The following UNC5A variants were observed in gnomAD, a reference collection of about 807,000 sequenced individuals.
UNC5A encodes the protein unc-5 netrin receptor A.
UNC5A carries 20 observed loss-of-function variants against 87.4 expected under a neutral mutation model. The observed-to-expected ratio is 0.23, with a 90% CI of 0.16 to 0.33. UNC5A has a LOEUF of 0.33. Among genes scored for constraint, UNC5A ranks in the 10% least tolerant of loss-of-function variants. UNC5A has a pLI of 1.00. For synonymous variants in UNC5A, 438 were observed against 482.3 expected (o/e 0.91, Z 1.20); for missense variants, 844 against 1,133.4 (o/e 0.74, Z 3.67).
In UNC5A at chr5:176,880,210, G is replaced by A. The variant is rs570212907; in HGVS notation, c.*324G>A. The stretch of plus-strand genomic sequence containing the variant: ...CCTCTCCTCCCGTCCCTCTCCAGGG[G>A]CCCCGCATACACACGGCCATGCACG... On this transcript the variant is annotated 3_prime_UTR_variant, in exon 15 of 15. Coordinates refer to ENST00000329542, the MANE Select transcript of UNC5A (RefSeq NM_133369.3). 5.5e-5 allele frequency: 15 copies of A among 273,744 alleles called. No individual in the cohort carries two copies. Among genetic ancestry groups the A allele is most frequent in the Admixed American group, 2.5e-4 (5 of 20,270 alleles). The allele number at this position is 273,744 out of a possible 1,614,324, so 17.0% of individuals were successfully genotyped here. A position where few individuals can be genotyped will look rare whatever the true frequency, so the allele number is the denominator to read the frequency against.
At chr5:176,853,995 A>G (rs942672258) in intron 1 of UNC5A, among the ~76,000 whole-genome samples, 2 of 152,214 alleles carry the variant, frequency 1.3e-5, no homozygotes, top group Non-Finnish European at 2.9e-5. Context: ...GGTTCGCACA[A>G]GGGGCTGCAG....
chr5:176,842,058 G>A (rs1249510404), intron 1 of UNC5A, among the ~76,000 whole-genome samples: 12 of 152,216 alleles, frequency 7.9e-5, no homozygotes, highest in African/African-American at 1.7e-4. Flanking sequence ...TTAGCCGGGC[G>A]CGGTGGCGGG....
chr5:176,851,805 C>T (rs1229996943), intron 1 of UNC5A, among the ~76,000 whole-genome samples: 1 of 152,216 alleles, frequency 6.6e-6, no homozygotes, highest in African/African-American at 2.4e-5. Context: ...AACTGTGGAA[C>T]AGGTGCACTG....
intron 1 of UNC5A, among the ~76,000 whole-genome samples, chr5:176,837,026 G>A (rs946983759): frequency 2.0e-5 from 3 of 152,204 alleles, no homozygotes; most frequent in Admixed American, 1.3e-4. Flanking sequence ...GTGTGAGTCT[G>A]CATTTAGGAA....
rs2149369288 is a variant in UNC5A, at chr5:176,874,282, C to T, written c.1094C>T (p.Thr365Ile). Residue 365 changes from threonine (T) to isoleucine (I), a missense_variant, in exon 8 of 15, where the codon ACC (threonine) becomes ATC (isoleucine). Around this residue, in one of 3 missense-constraint regions of UNC5A, gnomAD observed 353 missense variants for 387.5 expected, o/e 0.91. Transcript: ENST00000329542. The surrounding 1 kb of genome is among the most constrained non-coding windows in gnomAD (Gnocchi z 7.6). Reference protein sequence around the residue: ...PSKADNPHLLTIQPDLSTTTT... With the variant: ...PSKADNPHLLIIQPDLSTTTT... ...CCTGCAGACAACCCCCATCTGCTCA[C>T]CATCCAGCCGGACCTCAGCACCACC... 6.3e-7 allele frequency: 1 copy of T among 1,595,460 alleles called. No homozygotes were observed. The highest frequency in any genetic ancestry group is 1.1e-5 in the South Asian group (1 of 88,266).
Position 176,880,030 on chromosome 5 carries a change from T to C in UNC5A, c.*144T>C, listed in dbSNP as rs1409880024. On this transcript the variant is annotated 3_prime_UTR_variant, in exon 15 of 15. Coordinates refer to ENST00000329542, the MANE Select transcript of UNC5A (RefSeq NM_133369.3). Reference sequence around the variant, plus strand: ...GGCCGAAGCTGTCCCTTAATGCTGGTCCTTCAGACCCTGCCCGAACTCCCA... The same window carrying C: ...GGCCGAAGCTGTCCCTTAATGCTGGCCCTTCAGACCCTGCCCGAACTCCCA... 1 of 1,137,176 alleles carries C rather than the reference T, an allele frequency of 8.8e-7. No homozygotes were observed. Among genetic ancestry groups the C allele is most frequent in the East Asian group, 2.6e-5 (1 of 37,874 alleles). 70.4% of individuals were successfully genotyped at this position (1,137,176 alleles called of 1,614,324 possible).
Position 176,868,934 on chromosome 5 carries a change from C to T in UNC5A, c.691C>T (p.Arg231Cys). 3 of 1,610,998 alleles carry T rather than the reference C, an allele frequency of 1.9e-6. No individual in the cohort carries two copies. The highest frequency in any genetic ancestry group is 1.1e-5 in the South Asian group (1 of 90,886). ...GGCCAAGAACATCGTGGCACGTCGC[C>T]GCAGCGCCTCCGCTGCTGTCATCGT... ...CVAKNIVARR[R>C]SASAAVIVYV... The change falls in exon 5 of 15, where the codon CGC becomes TGC. Residue 231 changes from arginine (R) to cysteine (C), a missense_variant. Around this residue, in one of 3 missense-constraint regions of UNC5A, gnomAD observed 314 missense variants for 466.5 expected, o/e 0.67. Coordinates refer to ENST00000329542, the MANE Select transcript of UNC5A (RefSeq NM_133369.3).
At chr5:176,858,919 G>T (rs951098860) in intron 1 of UNC5A, among the ~76,000 whole-genome samples, 4 of 152,162 alleles carry the variant, frequency 2.6e-5, no homozygotes, top group Admixed American at 6.5e-5. Context: ...GGACACCGAG[G>T]GGGGGACAGA....
At chr5:176,834,390 C>G (rs1757098822) in intron 1 of UNC5A, among the ~76,000 whole-genome samples, 1 of 152,160 alleles carries the variant, frequency 6.6e-6, no homozygotes, top group South Asian at 2.1e-4. Flanking sequence ...CCCATTTTGG[C>G]CATCACTTCT....
rs1757879422 is a variant in UNC5A at position 176,862,952 on chromosome 5, G to A, written c.292+107G>A. 17 of 1,366,196 alleles carry A rather than the reference G, an allele frequency of 1.2e-5. No homozygotes were observed. In the South Asian group the frequency reaches 2.1e-4, roughly 17 times the overall value. The allele number at this position is 1,366,196 out of a possible 1,614,324, so 84.6% of individuals were successfully genotyped here. A position where few individuals can be genotyped will look rare whatever the true frequency, so the allele number is the denominator to read the frequency against. ...AGGATTCCCCACCTGGGACCCCGGA[G>A]GCCTTCCCCAGAGGCCACAACCCTC... On this transcript the variant is annotated intron_variant, in intron 2 of 14. Transcript: ENST00000329542.
rs1447616056 is a variant in UNC5A at position 176,870,953 on chromosome 5, CG to C, written c.886+420del. Reference sequence around the variant, plus strand: ...CCACAGCTTCCCATCTGCCCACACTCGCCCAACACCACAGCTTCCCATCTGC... The same window carrying C: ...CCACAGCTTCCCATCTGCCCACACTCCCCAACACCACAGCTTCCCATCTGC... On this transcript the variant is annotated intron_variant, in intron 6 of 14. Transcript: ENST00000329542. Among the ~76,000 whole-genome samples, 883 of 118,208 alleles carry C rather than the reference CG, an allele frequency of 7.5e-3. 1 individual carries two copies. Among genetic ancestry groups the C allele is most frequent in the Admixed American group, 0.014 (151 of 10,660 alleles). 77.5% of individuals were successfully genotyped at this position (118,208 alleles called of 152,430 possible). A position where few individuals can be genotyped will look rare whatever the true frequency, so the allele number is the denominator to read the frequency against.
At chr5:176,826,042 C>T (rs1301838707) in intron 1 of UNC5A, among the ~76,000 whole-genome samples, 2 of 152,200 alleles carry the variant, frequency 1.3e-5, no homozygotes, top group East Asian at 3.8e-4. Flanking sequence ...CAGCAAAGGG[C>T]CTACTCTGGT....
intron 1 of UNC5A, among the ~76,000 whole-genome samples, chr5:176,835,300 A>G (rs1757126677): frequency 6.6e-6 from 1 of 152,252 alleles, no homozygotes; most frequent in South Asian, 2.1e-4. Context: ...CTGGGGGCTC[A>G]GGGCCACCTG....
chr5:176,838,616 C>T lies in UNC5A; in HGVS notation c.71-24008C>T, dbSNP rs557818591. 3.3e-5 allele frequency among the ~76,000 whole-genome samples: 5 copies of T among 152,386 alleles called. No individual in the cohort carries two copies. In the South Asian group the frequency reaches 6.2e-4, roughly 19 times the overall value. On this transcript the variant is annotated intron_variant, in intron 1 of 14. Transcript: ENST00000329542. This position sits in a 1 kb window ranked among gnomAD's most constrained non-coding sequence, Gnocchi z 4.2. The stretch of plus-strand genomic sequence containing the variant: ...CAGCACTCTGGAGCTACCCTGCTCG[C>T]TGTTCTGCTCTGTCTTCCCTGGTGT...
Position 176,866,313 on chromosome 5 carries a change from G to A in UNC5A, c.293-1817G>A, listed in dbSNP as rs1343419694. On this transcript the variant is annotated intron_variant, in intron 2 of 14. Transcript: ENST00000329542. The surrounding 1 kb of genome is among the most constrained non-coding windows in gnomAD (Gnocchi z 5.0). ...GCACTGCCCTCCAGGAGCTTGTGGG[G>A]CTGAAGGGCACCCCTCACCAAGGCA... Among the ~76,000 whole-genome samples the A allele has an allele frequency of 6.6e-6, 1 of 152,222 alleles. No homozygotes were observed. The highest frequency in any genetic ancestry group is 1.5e-5 in the Non-Finnish European group (1 of 68,042).
rs1758217974 is a variant in UNC5A, at chr5:176,874,646, C to T, written c.1378+80C>T. On this transcript the variant is annotated intron_variant, in intron 8 of 14. Transcript: ENST00000329542. This position sits in a 1 kb window ranked among gnomAD's most constrained non-coding sequence, Gnocchi z 7.6. Reference sequence around the variant, plus strand: ...GGGACAGCCGGACGTTCCTCTCGTGCCCCTCGGTGTCCCGTGACAGATCAG... The same window carrying T: ...GGGACAGCCGGACGTTCCTCTCGTGTCCCTCGGTGTCCCGTGACAGATCAG... 1.4e-6 allele frequency: 2 copies of T among 1,437,030 alleles called. No individual in the cohort carries two copies. The highest frequency in any genetic ancestry group is 1.9e-6 in the Non-Finnish European group (2 of 1,075,816). 89.0% of individuals were successfully genotyped at this position (1,437,030 alleles called of 1,614,324 possible).
chr5:176,828,572 C>T (rs1426951627), intron 1 of UNC5A, among the ~76,000 whole-genome samples: 1 of 152,248 alleles, frequency 6.6e-6, no homozygotes, highest in Non-Finnish European at 1.5e-5. Context: ...ATATCGCCTC[C>T]TCAGCGAGGT....
intron 1 of UNC5A, among the ~76,000 whole-genome samples, chr5:176,811,126 G>A (rs375725999): frequency 6.6e-6 from 1 of 152,212 alleles, no homozygotes; most frequent in African/African-American, 2.4e-5. Context: ...CAGGGCTGGG[G>A]GTTTGGATCA....
chr5:176,836,932 C>A (rs140380376), intron 1 of UNC5A, among the ~76,000 whole-genome samples: 1 of 152,222 alleles, frequency 6.6e-6, no homozygotes, highest in Non-Finnish European at 1.5e-5. Context: ...TAGGAGGCAT[C>A]TTCCTCTCTG....
Sources: allele counts gnomAD v4.1 joint callset (sites outside exome capture counted in the v4.1 genomes callset), GRCh38; gene constraint gnomAD v4.1.1; regional missense constraint gnomAD v4.1.1; non-coding constraint Gnocchi (gnomAD v3.1); transcripts MANE v1.5; gene names NCBI Gene and HGNC (gene_info 2026-07-23, HGNC 2026-07-21).